The following DNAH11 variants were observed in gnomAD, a reference collection of about 807,000 sequenced individuals.
The protein encoded by DNAH11 is dynein axonemal heavy chain 11, also known as axonemal beta dynein heavy chain 11.
In DNAH11, 442 loss-of-function variants were observed where a neutral mutation model predicts 526.0. That is an observed-to-expected ratio of 0.84 (90% CI 0.78 to 0.91). The LOEUF is 0.91. DNAH11 is among the 40% of genes least tolerant of loss of function. The pLI, the probability that DNAH11 is intolerant of heterozygous loss-of-function variation, is 0.00. For synonymous variants in DNAH11, 2,461 were observed against 1,935.9 expected (o/e 1.27, Z -7.12); for missense variants, 6,989 against 5,448.7 (o/e 1.28, Z -8.90).
intron 44 of DNAH11, among the ~76,000 whole-genome samples, chr7:21,725,087 C>G (rs545792985): frequency 3.3e-5 from 5 of 152,290 alleles, no homozygotes; most frequent in African/African-American, 1.2e-4. Context: ...TGGCTTATAT[C>G]TATACTGATA....
intron 42 of DNAH11, among the ~76,000 whole-genome samples, chr7:21,716,116 T>C (rs962150859): frequency 1.3e-5 from 2 of 152,062 alleles, no homozygotes; most frequent in East Asian, 3.9e-4. Context: ...AAGTTACTGC[T>C]CCTAGTAATG....
In DNAH11 at chr7:21,901,424, T is replaced by C; in HGVS notation, c.*170T>C. Reference sequence around the variant, plus strand: ...TCAGAAAAAAATACTAGAAACTAACTCAGGGCTGAGCGTGGTGGCACACGA... The same window carrying C: ...TCAGAAAAAAATACTAGAAACTAACCCAGGGCTGAGCGTGGTGGCACACGA... On this transcript the variant is annotated 3_prime_UTR_variant, in exon 82 of 82. Transcript: ENST00000409508. The C allele has an allele frequency of 1.0e-6, 1 of 985,288 alleles. No individual in the cohort carries two copies. 61.0% of individuals were successfully genotyped at this position (985,288 alleles called of 1,614,324 possible).
At chr7:21,786,221 T>C (rs539627428) in intron 58 of DNAH11, among the ~76,000 whole-genome samples, 23 of 152,238 alleles carry the variant, frequency 1.5e-4, no homozygotes, top group Non-Finnish European at 2.4e-4. Flanking sequence ...TAAGGAATTA[T>C]GTGTCTGGGA....
intron 25 of DNAH11, among the ~76,000 whole-genome samples, chr7:21,629,658 T>C (rs1006547970): frequency 6.6e-5 from 10 of 152,140 alleles, no homozygotes; most frequent in African/African-American, 2.4e-4. Context: ...AATTGGTTCC[T>C]TTATCATTAT....
chr7:21,710,140 T>C (rs1784406819), intron 40 of DNAH11, among the ~76,000 whole-genome samples: 1 of 152,190 alleles, frequency 6.6e-6, no homozygotes, highest in Admixed American at 6.5e-5. Context: ...TTGAAAATTG[T>C]TGTAGAAAAA....
intron 65 of DNAH11, among the ~76,000 whole-genome samples, chr7:21,837,804 G>A (rs1374267019): frequency 6.6e-6 from 1 of 152,086 alleles, no homozygotes. Context: ...ATATTATAGT[G>A]TATATTTCAA....
At position 21,628,889 on chromosome 7, in the gene DNAH11, GTTTTAA is replaced by G. The variant is rs567638054; in HGVS notation, c.4501-6976_4501-6971del. On this transcript the variant is annotated intron_variant, in intron 25 of 81. Transcript: ENST00000409508. The stretch of plus-strand genomic sequence containing the variant: ...GTTGATCTTCTGTATTTTTTCTTCA[GTTTTAA>G]TTTTATTTGTTTCAGCTCTCATCCT... Among the ~76,000 whole-genome samples the G allele has an allele frequency of 2.8e-4, 42 of 152,050 alleles. 1 individual carries two copies. In the South Asian group the frequency reaches 7.7e-3, roughly 28 times the overall value.
chr7:21,765,623 C>CAG (rs1787146089), intron 55 of DNAH11, 34 bp downstream of exon 55: 19 of 748,010 alleles, frequency 2.5e-5, no homozygotes, highest in Non-Finnish European at 3.2e-5. Context: ...CACACACACA[C>CAG]ACACACACAC....
chr7:21,843,289 G>GA (rs1264627630), intron 66 of DNAH11, among the ~76,000 whole-genome samples: 1 of 152,034 alleles, frequency 6.6e-6, no homozygotes, highest in Admixed American at 6.6e-5. Context: ...TACTGACATA[G>GA]AAAATAGACA....
intron 37 of DNAH11, among the ~76,000 whole-genome samples, 194 bp downstream of exon 37, chr7:21,702,996 T>C (rs1319241674): frequency 2.6e-5 from 4 of 152,148 alleles, no homozygotes; most frequent in African/African-American, 9.7e-5. Flanking sequence ...AAGATATGAA[T>C]CTGGAAAAGA....
intron 71 of DNAH11, among the ~76,000 whole-genome samples, chr7:21,867,036 A>T (rs1214429273): frequency 6.6e-5 from 10 of 152,150 alleles, no homozygotes; most frequent in African/African-American, 2.4e-4. Context: ...GGTTCTGAAG[A>T]TTTTGCATGT....
chr7:21,711,630 C>A, intron 41 of DNAH11, 82 bp from the exon 42 acceptor site: 1 of 1,535,036 alleles, frequency 6.5e-7, no homozygotes, highest in Non-Finnish European at 8.8e-7. Context: ...TGTGATACTT[C>A]TGGTAGGGGA....
intron 58 of DNAH11, among the ~76,000 whole-genome samples, chr7:21,786,020 G>C (rs1406855205): frequency 6.6e-6 from 1 of 152,162 alleles, no homozygotes; most frequent in Admixed American, 6.6e-5. Context: ...TGTTTGCCCT[G>C]ATACATATAA....
intron 25 of DNAH11, among the ~76,000 whole-genome samples, chr7:21,625,441 T>A (rs1254544773): frequency 6.6e-6 from 1 of 152,176 alleles, no homozygotes; most frequent in Non-Finnish European, 1.5e-5. Flanking sequence ...TTGTTTACTA[T>A]TCAAAAAACC....
At chr7:21,771,302 A>G (rs1367476860) in intron 55 of DNAH11, among the ~76,000 whole-genome samples, 1 of 152,184 alleles carries the variant, frequency 6.6e-6, no homozygotes. Context: ...ATAAAATCCT[A>G]AACTGATTTA....
intron 75 of DNAH11, among the ~76,000 whole-genome samples, chr7:21,883,345 G>T (rs1784003196): frequency 6.6e-6 from 1 of 152,202 alleles, no homozygotes; most frequent in African/African-American, 2.4e-5. Flanking sequence ...AGAAGCTAAA[G>T]TATAGCAAAG....
intron 30 of DNAH11, among the ~76,000 whole-genome samples, chr7:21,668,055 A>G (rs2128468420): frequency 6.6e-6 from 1 of 152,306 alleles, no homozygotes; most frequent in South Asian, 2.1e-4. Context: ...CTCTTTCTAT[A>G]AAGTTCTAAT....
chr7:21,548,053 C>T (rs1782870622), intron 2 of DNAH11, among the ~76,000 whole-genome samples: 1 of 152,150 alleles, frequency 6.6e-6, no homozygotes, highest in African/African-American at 2.4e-5. Flanking sequence ...AGGATTGAAC[C>T]TATCATACCT....
intron 34 of DNAH11, among the ~76,000 whole-genome samples, chr7:21,688,789 CA>C (rs1783492042): frequency 6.6e-6 from 1 of 151,792 alleles, no homozygotes; most frequent in Non-Finnish European, 1.5e-5. Context: ...TTCCAAAAAG[CA>C]AAACACAGCT....
Sources: gnomAD v4.1 joint callset for allele counts (sites outside exome capture counted in the v4.1 genomes callset) on GRCh38, gnomAD v4.1.1 for gene constraint, MANE v1.5 for transcripts, NCBI Gene and HGNC (gene_info 2026-07-23, HGNC 2026-07-21) for gene names.